Variants in ZSWIM6 observed in about 807,000 individuals in gnomAD.
ZSWIM6 encodes zinc finger SWIM domain-containing protein 6.
ZSWIM6 carries 9 observed loss-of-function variants against 113.2 expected under a neutral mutation model. The observed-to-expected ratio is 0.08, with a 90% CI of 0.05 to 0.14. The LOEUF is 0.14. ZSWIM6 is among the 10% of genes least tolerant of loss of function. The pLI is 1.00. For missense variants in ZSWIM6, 1,162 were observed against 1,552.2 expected (o/e 0.75, Z 4.22); for synonymous variants, 611 against 606.5 (o/e 1.01, Z -0.11).
At chr5:61,359,524 A>G (rs565640225) in intron 1 of ZSWIM6, among the ~76,000 whole-genome samples, 1 of 152,268 alleles carries the variant, frequency 6.6e-6, no homozygotes, top group East Asian at 1.9e-4. Context: ...ACACCAGGTG[A>G]ATGAAGATGG....
rs1251367426 is a variant in ZSWIM6 at position 61,420,777 on chromosome 5, A to T, written c.677-51904A>T. Among the ~76,000 whole-genome samples, 48 of 152,218 alleles carry T rather than the reference A, an allele frequency of 3.2e-4. 1 individual carries two copies. The highest frequency in any genetic ancestry group is 1.5e-5 in the Non-Finnish European group (1 of 68,042). ...ATAATCACATCAGGGTAAATGGCATATCAATCACCTCAAGCATTTATCCTT... is the reference window on the plus strand; with the variant it reads ...ATAATCACATCAGGGTAAATGGCATTTCAATCACCTCAAGCATTTATCCTT... On this transcript the variant is annotated intron_variant, in intron 1 of 13. Coordinates refer to ENST00000252744, the MANE Select transcript of ZSWIM6 (RefSeq NM_020928.2).
intron 5 of ZSWIM6, among the ~76,000 whole-genome samples, chr5:61,524,748 T>G (rs1381949607): frequency 1.3e-5 from 2 of 152,210 alleles, no homozygotes; most frequent in African/African-American, 4.8e-5. Flanking sequence ...AAGCTCTAGA[T>G]TTTGCTTCTC....
At chr5:61,375,273 C>T in intron 1 of ZSWIM6, 1 of 1,611,972 alleles carries the variant, frequency 6.2e-7, no homozygotes, top group Non-Finnish European at 8.5e-7. Context: ...AAAAGAAAGG[C>T]TCCAAGGCTT....
chr5:61,478,389 C>A (rs528390571), intron 2 of ZSWIM6, among the ~76,000 whole-genome samples: 1 of 152,184 alleles, frequency 6.6e-6, no homozygotes, highest in African/African-American at 2.4e-5. Flanking sequence ...AAGGCAGCCA[C>A]TGTGGACAGC....
At chr5:61,405,139 A>G (rs1746019460) in intron 1 of ZSWIM6, among the ~76,000 whole-genome samples, 2 of 152,240 alleles carry the variant, frequency 1.3e-5, no homozygotes, top group African/African-American at 4.8e-5. Context: ...TAGTTGCTAT[A>G]ATAGCTATAT....
chr5:61,336,447 G>A (rs1258487033), intron 1 of ZSWIM6, among the ~76,000 whole-genome samples: 1 of 151,990 alleles, frequency 6.6e-6, no homozygotes, highest in Non-Finnish European at 1.5e-5. Flanking sequence ...TTGGAAAAGA[G>A]ATAAATTTAA....
intron 1 of ZSWIM6, among the ~76,000 whole-genome samples, chr5:61,429,281 GTATTAAAATT>G (rs1485102236): frequency 6.6e-6 from 1 of 152,168 alleles, no homozygotes; most frequent in Non-Finnish European, 1.5e-5. Context: ...TCTTGCTTTT[GTATTAAAATT>G]TACCTGTATT....
chr5:61,442,136 T>C (rs1001408804), intron 1 of ZSWIM6, among the ~76,000 whole-genome samples: 27 of 152,146 alleles, frequency 1.8e-4, no homozygotes, highest in Non-Finnish European at 5.9e-5. Context: ...TGTCTCATTA[T>C]TCAGATGTGG....
intron 1 of ZSWIM6, among the ~76,000 whole-genome samples, chr5:61,349,384 A>G (rs1457726834): frequency 1.3e-5 from 2 of 152,230 alleles, no homozygotes; most frequent in Non-Finnish European, 2.9e-5. Flanking sequence ...ATAGCCTTAG[A>G]GTATATGCCA....
At chr5:61,347,974 C>T (rs1256379810) in intron 1 of ZSWIM6, among the ~76,000 whole-genome samples, 1 of 152,178 alleles carries the variant, frequency 6.6e-6, no homozygotes, top group Non-Finnish European at 1.5e-5. Context: ...GTAATCCCAG[C>T]ACTTTGGGAG....
intron 1 of ZSWIM6, among the ~76,000 whole-genome samples, chr5:61,415,518 G>C (rs983868566): frequency 6.6e-6 from 1 of 151,916 alleles, no homozygotes; most frequent in African/African-American, 2.4e-5. Context: ...CTTGAACCAG[G>C]GAGTCACAGG....
At chr5:61,487,529 T>C (rs1001475388) in intron 2 of ZSWIM6, among the ~76,000 whole-genome samples, 67 of 152,074 alleles carry the variant, frequency 4.4e-4, no homozygotes, top group African/African-American at 1.4e-3. Context: ...GAGTATGGGA[T>C]GTTTTTCCAT....
intron 1 of ZSWIM6, among the ~76,000 whole-genome samples, chr5:61,397,018 A>C (rs1745850631): frequency 1.3e-5 from 2 of 152,324 alleles, no homozygotes; most frequent in Non-Finnish European, 2.9e-5. Flanking sequence ...CAGAGAGGGT[A>C]ATGACTTACC....
At chr5:61,444,311 T>G (rs1490935067) in intron 1 of ZSWIM6, among the ~76,000 whole-genome samples, 1 of 152,050 alleles carries the variant, frequency 6.6e-6, no homozygotes, top group East Asian at 1.9e-4. Flanking sequence ...TATTCCATGG[T>G]GTATATGTGC....
At chr5:61,367,226 G>T (rs1251624948) in intron 1 of ZSWIM6, among the ~76,000 whole-genome samples, 1 of 152,012 alleles carries the variant, frequency 6.6e-6, no homozygotes, top group Non-Finnish European at 1.5e-5. Flanking sequence ...GTGTAGAAAT[G>T]CTTACATCAG....
At chr5:61,479,038 G>A (rs1352457643) in intron 2 of ZSWIM6, among the ~76,000 whole-genome samples, 1 of 152,000 alleles carries the variant, frequency 6.6e-6, no homozygotes, top group East Asian at 1.9e-4. Flanking sequence ...GGGCATGGTG[G>A]CGTGTGCCTG....
At chr5:61,461,069 T>C (rs1190395359) in intron 1 of ZSWIM6, among the ~76,000 whole-genome samples, 1 of 152,166 alleles carries the variant, frequency 6.6e-6, no homozygotes, top group Non-Finnish European at 1.5e-5. Flanking sequence ...CTTACTTGCT[T>C]TTGTATTTAA....
At chr5:61,512,093 A>G (rs1250155801) in intron 4 of ZSWIM6, among the ~76,000 whole-genome samples, 3 of 152,116 alleles carry the variant, frequency 2.0e-5, no homozygotes, top group Non-Finnish European at 4.4e-5. Context: ...CAATCAAGAT[A>G]GAGAACAGTC....
chr5:61,397,605 G>T (rs1218557489), intron 1 of ZSWIM6, among the ~76,000 whole-genome samples: 1 of 152,010 alleles, frequency 6.6e-6, no homozygotes, highest in East Asian at 1.9e-4. Context: ...ACCTTTAAAA[G>T]AATTCCAAAA....
Sources: gnomAD v4.1 joint callset for allele counts (sites outside exome capture counted in the v4.1 genomes callset) on GRCh38, gnomAD v4.1.1 for gene constraint, MANE v1.5 for transcripts, NCBI Gene and HGNC (gene_info 2026-07-23, HGNC 2026-07-21) for gene names.